The following SORCS3 variants were observed in gnomAD, a reference collection of about 807,000 sequenced individuals.
SORCS3 encodes the protein sortilin related VPS10 domain containing receptor 3, also known as VPS10 domain-containing receptor SorCS3.
A neutral mutation model predicts 146.3 loss-of-function variants in SORCS3; 57 were observed. The observed-to-expected ratio is 0.39, with a 90% CI of 0.31 to 0.49. The LOEUF (loss-of-function observed/expected upper bound fraction) is 0.49. Among genes scored for constraint, SORCS3 ranks in the 20% least tolerant of loss-of-function variants. The probability of loss-of-function intolerance (pLI) is 0.92; values close to 1 mark genes in which losing one functional copy is unlikely to be tolerated. For missense variants in SORCS3, 1,341 were observed against 1,575.5 expected (o/e 0.85, Z 2.52); for synonymous variants, 653 against 618.5 (o/e 1.06, Z -0.83).
intron 4 of SORCS3, among the ~76,000 whole-genome samples, chr10:105,004,275 C>T (rs2055079936): frequency 6.6e-6 from 1 of 152,094 alleles, no homozygotes. Flanking sequence ...AGAAGGTTGA[C>T]CTTGGCTGGA....
chr10:104,928,843 G>A (rs1334367001), intron 3 of SORCS3, among the ~76,000 whole-genome samples: 1 of 152,170 alleles, frequency 6.6e-6, no homozygotes, highest in African/African-American at 2.4e-5. Flanking sequence ...GCCCTATGTC[G>A]AGGGCCTCCT....
chr10:104,820,237 ATCTAAG>A (rs2017857761), intron 1 of SORCS3, among the ~76,000 whole-genome samples: 1 of 152,298 alleles, frequency 6.6e-6, no homozygotes, highest in African/African-American at 2.4e-5. Flanking sequence ...TGGTTACCTA[ATCTAAG>A]TCTATTTCAT....
chr10:104,941,050 C>T (rs2019315651), intron 3 of SORCS3, among the ~76,000 whole-genome samples: 1 of 152,146 alleles, frequency 6.6e-6, no homozygotes, highest in African/African-American at 2.4e-5. Context: ...TGTAAACTGC[C>T]ATGGCACTGG....
intron 7 of SORCS3, among the ~76,000 whole-genome samples, chr10:105,111,382 C>T (rs767092555): frequency 6.6e-6 from 1 of 152,150 alleles, no homozygotes; most frequent in African/African-American, 2.4e-5. Flanking sequence ...GCTTCTCTTG[C>T]TTCTCCTGCT....
intron 1 of SORCS3, among the ~76,000 whole-genome samples, chr10:104,840,933 A>G (rs893836741): frequency 6.6e-6 from 1 of 151,382 alleles, no homozygotes; most frequent in African/African-American, 2.4e-5. Flanking sequence ...GAGCTTTTTT[A>G]CTTTTTCCAG....
chr10:104,659,479 C>T (rs909134907), intron 1 of SORCS3, among the ~76,000 whole-genome samples: 3 of 152,126 alleles, frequency 2.0e-5, no homozygotes, highest in South Asian at 2.1e-4. Flanking sequence ...GAGAATTTCC[C>T]CCCAGAATGT....
At chr10:105,241,232 C>G (rs1564792942) in intron 20 of SORCS3, among the ~76,000 whole-genome samples, 1 of 152,258 alleles carries the variant, frequency 6.6e-6, no homozygotes, top group East Asian at 1.9e-4. Context: ...CTCTACCTGG[C>G]CCACCATGCT....
chr10:105,093,966 A>G (rs1476872685), intron 6 of SORCS3, among the ~76,000 whole-genome samples: 1 of 152,214 alleles, frequency 6.6e-6, no homozygotes, highest in African/African-American at 2.4e-5. Context: ...ATAATCACCA[A>G]AAACTGGAAA....
intron 7 of SORCS3, among the ~76,000 whole-genome samples, chr10:105,133,953 G>T (rs2056039987): frequency 6.6e-6 from 1 of 152,102 alleles, no homozygotes; most frequent in African/African-American, 2.4e-5. Flanking sequence ...GTGAGACCCT[G>T]TCTCACAAAA....
At chr10:105,081,981 G>T (rs939163973) in intron 5 of SORCS3, among the ~76,000 whole-genome samples, 1 of 152,116 alleles carries the variant, frequency 6.6e-6, no homozygotes, top group East Asian at 1.9e-4. Context: ...TGCTTATGAA[G>T]TTTATCTAAC....
intron 2 of SORCS3, among the ~76,000 whole-genome samples, chr10:104,872,344 T>C (rs2018527153): frequency 6.6e-6 from 1 of 152,144 alleles, no homozygotes; most frequent in Non-Finnish European, 1.5e-5. Flanking sequence ...AATGAGGGGT[T>C]TGTGTCTGAT....
At chr10:104,742,394 G>A (rs1316468337) in intron 1 of SORCS3, among the ~76,000 whole-genome samples, 3 of 152,202 alleles carry the variant, frequency 2.0e-5, no homozygotes, top group African/African-American at 7.2e-5. Flanking sequence ...GGGTCTCTGA[G>A]AAGTGTGACC....
intron 4 of SORCS3, among the ~76,000 whole-genome samples, chr10:104,989,915 C>A (rs1412737419): frequency 6.6e-6 from 1 of 152,158 alleles, no homozygotes; most frequent in Non-Finnish European, 1.5e-5. Context: ...TATTTCAACC[C>A]ACTTCAACAA....
intron 1 of SORCS3, among the ~76,000 whole-genome samples, chr10:104,651,549 A>C (rs537100198): frequency 6.0e-5 from 9 of 151,014 alleles, no homozygotes; most frequent in Non-Finnish European, 1.2e-4. Flanking sequence ...AAAAAAAAAA[A>C]AAAAACACAA....
chr10:105,262,855 C>T (rs1468574107), intron 26 of SORCS3, among the ~76,000 whole-genome samples: 1 of 152,180 alleles, frequency 6.6e-6, no homozygotes, highest in Non-Finnish European at 1.5e-5. Context: ...TTTTCTTGCT[C>T]TGCTAATCTA....
chr10:104,702,723 C>T (rs2016295312), intron 1 of SORCS3, among the ~76,000 whole-genome samples: 1 of 152,162 alleles, frequency 6.6e-6, no homozygotes, highest in African/African-American at 2.4e-5. Flanking sequence ...AAAAATCTTC[C>T]TGTTCTGGTG....
chr10:105,182,247 T>TTTTTTTTTG (rs1564778154), intron 14 of SORCS3, among the ~76,000 whole-genome samples: 1 of 147,824 alleles, frequency 6.8e-6, no homozygotes, highest in Non-Finnish European at 1.5e-5. Context: ...TTTTTTTTTT[T>TTTTTTTTTG]TTTTTTGTGC....
chr10:104,788,398 A>T (rs1454497706), intron 1 of SORCS3, among the ~76,000 whole-genome samples: 1 of 152,210 alleles, frequency 6.6e-6, no homozygotes, highest in Non-Finnish European at 1.5e-5. Context: ...GATCTCCATC[A>T]GTCCTTAATG....
chr10:105,140,859 G>A (rs938389607), intron 8 of SORCS3, among the ~76,000 whole-genome samples: 8 of 152,072 alleles, frequency 5.3e-5, no homozygotes, highest in East Asian at 1.9e-4. Context: ...TGGGACCATT[G>A]TATAGTATGG....
Sources: gnomAD v4.1 joint callset for allele counts (sites outside exome capture counted in the v4.1 genomes callset) on GRCh38, gnomAD v4.1.1 for gene constraint, MANE v1.5 for transcripts, NCBI Gene and HGNC (gene_info 2026-07-23, HGNC 2026-07-21) for gene names.